The following TIAM1 variants were observed in gnomAD, a reference collection of about 807,000 sequenced individuals.
The protein encoded by TIAM1 is rho guanine nucleotide exchange factor TIAM1.
A neutral mutation model predicts 163.5 loss-of-function variants in TIAM1; 65 were observed. That is an observed-to-expected ratio of 0.40 (90% confidence interval 0.33 to 0.49). TIAM1 has a LOEUF of 0.49. Ranked by LOEUF, TIAM1 falls within the 20% of genes least tolerant of loss-of-function variation. TIAM1 has a pLI of 0.77. For synonymous variants in TIAM1, 833 were observed against 810.1 expected (o/e 1.03, Z -0.48); for missense variants, 1,789 against 2,044.7 (o/e 0.87, Z 2.41).
rs536995179 is a variant in TIAM1, at chr21:31,506,176, C to A, written c.-421-42141G>T. ...ACTCCTCTTCACAGCAGGAAATCAG[C>A]CACCTACACAGGCTCCCTCCCCATT... On this transcript the variant is annotated intron_variant, in intron 1 of 28. Coordinates refer to the TIAM1 transcript ENST00000286827. Among the ~76,000 whole-genome samples the A allele has an allele frequency of 1.1e-4, 17 of 151,712 alleles. No individual in the cohort carries two copies. The South Asian group carries it at 3.4e-3, about 30-fold the overall frequency.
chr21:31,439,872 C>T (rs761449006), intron 2 of TIAM1, among the ~76,000 whole-genome samples: 2 of 152,046 alleles, frequency 1.3e-5, no homozygotes, highest in Non-Finnish European at 2.9e-5. Context: ...AGGGGTCTCT[C>T]GAAGAACCAC....
At chr21:31,219,167 A>G (rs2087404652) in intron 8 of TIAM1, among the ~76,000 whole-genome samples, 2 of 151,540 alleles carry the variant, frequency 1.3e-5, no homozygotes, top group African/African-American at 4.8e-5. Flanking sequence ...CTCAAGTAGA[A>G]TCTCCACAAG....
chr21:31,533,139 G>A (rs1247891112), intron 1 of TIAM1, among the ~76,000 whole-genome samples: 1 of 152,020 alleles, frequency 6.6e-6, no homozygotes, highest in Non-Finnish European at 1.5e-5. Flanking sequence ...TGGCCAACAT[G>A]GTGAAACCCT....
At chr21:31,285,214 G>A (rs916948078) in intron 2 of TIAM1, among the ~76,000 whole-genome samples, 1 of 152,152 alleles carries the variant, frequency 6.6e-6, no homozygotes, top group Non-Finnish European at 1.5e-5. Flanking sequence ...CCAACCCATA[G>A]CTGCCTTCGC....
At chr21:31,199,102 G>A (rs1262871866) in intron 12 of TIAM1, among the ~76,000 whole-genome samples, 1 of 152,116 alleles carries the variant, frequency 6.6e-6, no homozygotes, top group African/African-American at 2.4e-5. Flanking sequence ...TTCAAAAACT[G>A]GATGAGAAGA....
chr21:31,297,548 C>A (rs2074329659), intron 2 of TIAM1, among the ~76,000 whole-genome samples: 1 of 152,200 alleles, frequency 6.6e-6, no homozygotes, highest in Non-Finnish European at 1.5e-5. Context: ...GCACCTGCCA[C>A]AACGCACGGC....
chr21:31,548,132 C>CTTTTTTTTTTTTTTTTTTTTTTTT (rs553946414), intron 1 of TIAM1, among the ~76,000 whole-genome samples: 1 of 74,996 alleles, frequency 1.3e-5, no homozygotes, highest in Non-Finnish European at 2.4e-5. Flanking sequence ...TTATTTGTGT[C>CTTTTTTTTTTTTTTTTTTTTTTTT]TTTTTTTTTT....
chr21:31,425,310 T>G (rs2043744826), intron 2 of TIAM1, among the ~76,000 whole-genome samples: 1 of 152,038 alleles, frequency 6.6e-6, no homozygotes. Flanking sequence ...ATTTCGAGAA[T>G]TTTAACAAAT....
chr21:31,124,238 A>G, intron 27 of TIAM1: 1 of 332,904 alleles, frequency 3.0e-6, no homozygotes, highest in Non-Finnish European at 5.4e-6. Flanking sequence ...TGTGTCTGCA[A>G]CCCGACTTGG....
intron 13 of TIAM1, among the ~76,000 whole-genome samples, chr21:31,191,185 CAG>C (rs1457781492): frequency 1.3e-5 from 2 of 151,728 alleles, no homozygotes; most frequent in African/African-American, 2.4e-5. Context: ...TTCTTTGAGA[CAG>C]AGTCTCACTC....
chr21:31,285,186 A>ACC lies in TIAM1; in HGVS notation c.-188-8280_-188-8279dup, dbSNP rs111964599. On this transcript the variant is annotated intron_variant, in intron 2 of 27. Coordinates refer to ENST00000541036, the MANE Select transcript of TIAM1 (RefSeq NM_001353694.2). ...CAGCTATGATTTCATTCCCCAAGCC[A>ACC]CCCCCCCAAGCCAATTCCCAACCCA... Among the ~76,000 whole-genome samples, 719 of 150,842 alleles carry ACC rather than the reference A, an allele frequency of 4.8e-3. 8 individuals are homozygous for ACC. Among genetic ancestry groups the ACC allele is most frequent in the African/African-American group, 0.017 (687 of 41,210 alleles).
chr21:31,466,336 GAA>G (rs1466065516), intron 1 of TIAM1, among the ~76,000 whole-genome samples: 4 of 152,194 alleles, frequency 2.6e-5, no homozygotes, highest in African/African-American at 9.7e-5. Context: ...GATTCCTGCT[GAA>G]GGCAGGTTGA....
intron 1 of TIAM1, among the ~76,000 whole-genome samples, chr21:31,343,437 ACT>A (rs1436672400): frequency 6.6e-6 from 1 of 152,194 alleles, no homozygotes; most frequent in East Asian, 1.9e-4. Context: ...CACAAAATTG[ACT>A]TAGGCAATCG....
intron 2 of TIAM1, among the ~76,000 whole-genome samples, chr21:31,370,498 G>T (rs1347888638): frequency 6.6e-6 from 1 of 152,154 alleles, no homozygotes; most frequent in African/African-American, 2.4e-5. Flanking sequence ...GCACGCGCAT[G>T]TGTGTGTAGT....
rs570490404 is a variant in TIAM1 at position 31,148,333 on chromosome 21, G to A, written c.3367-1330C>T. On this transcript the variant is annotated intron_variant, in intron 19 of 27. Coordinates refer to ENST00000541036, the MANE Select transcript of TIAM1 (RefSeq NM_001353694.2). The stretch of plus-strand genomic sequence containing the variant: ...TTTCCTGTGCTGTTCTCATGATAGC[G>A]AATAAGTCTCAGGAGATCTGATGGT... Among the ~76,000 whole-genome samples the A allele has an allele frequency of 6.1e-4, 93 of 152,276 alleles. 1 individual carries two copies. The East Asian group carries it at 7.7e-3, about 13-fold the overall frequency.
intron 5 of TIAM1, among the ~76,000 whole-genome samples, chr21:31,246,154 C>A (rs1388139881): frequency 6.6e-6 from 1 of 152,062 alleles, no homozygotes; most frequent in Non-Finnish European, 1.5e-5. Flanking sequence ...TATATAATAC[C>A]AGCGTTAAGT....
At chr21:31,293,929 C>T (rs570596051) in intron 2 of TIAM1, among the ~76,000 whole-genome samples, 23 of 152,230 alleles carry the variant, frequency 1.5e-4, no homozygotes, top group Middle Eastern at 3.4e-3. Flanking sequence ...TTGAAACAGC[C>T]GCTACTTTTA....
At chr21:31,368,738 A>G (rs1466537207) in intron 2 of TIAM1, among the ~76,000 whole-genome samples, 2 of 152,212 alleles carry the variant, frequency 1.3e-5, no homozygotes, top group African/African-American at 4.8e-5. Flanking sequence ...TCATAATGAT[A>G]AGCTACATAG....
At chr21:31,246,050 G>A (rs1009796670) in intron 5 of TIAM1, among the ~76,000 whole-genome samples, 10 of 152,144 alleles carry the variant, frequency 6.6e-5, no homozygotes, top group South Asian at 6.2e-4. Context: ...ACTACCGTCC[G>A]ATTGAAGCCC....
Sources: allele counts gnomAD v4.1 joint callset (sites outside exome capture counted in the v4.1 genomes callset), GRCh38; gene constraint gnomAD v4.1.1; transcripts MANE v1.5; gene names NCBI Gene and HGNC (gene_info 2026-07-23, HGNC 2026-07-21).